The following ARHGAP39 variants were observed in gnomAD, a reference collection of about 807,000 sequenced individuals.
ARHGAP39 encodes Rho GTPase activating protein 39.
A neutral mutation model predicts 106.9 loss-of-function variants in ARHGAP39; 44 were observed. The ratio of observed to expected loss-of-function variants is 0.41; its 90% CI spans 0.32 to 0.53. The LOEUF is 0.53. Ranked by LOEUF, ARHGAP39 falls within the 20% of genes least tolerant of loss-of-function variation. The probability of loss-of-function intolerance (pLI) is 0.21; values close to 1 mark genes in which losing one functional copy is unlikely to be tolerated. For synonymous variants in ARHGAP39, 768 were observed against 693.2 expected, an observed-to-expected ratio of 1.11 and a Z score of -1.69; for missense variants, 1,496 against 1,577.3, an observed-to-expected ratio of 0.95 and a Z score of 0.87.
intron 1 of ARHGAP39, among the ~76,000 whole-genome samples, chr8:144,606,085 C>A (rs1820282047): frequency 6.6e-6 from 1 of 152,210 alleles, no homozygotes; most frequent in African/African-American, 2.4e-5. Flanking sequence ...TCACTCTCAG[C>A]CCCACATCTG....
chr8:144,624,104 G>A (rs955641608), intron 1 of ARHGAP39, among the ~76,000 whole-genome samples: 1 of 152,150 alleles, frequency 6.6e-6, no homozygotes, highest in Admixed American at 6.5e-5. Flanking sequence ...CAGGCCTCCC[G>A]AAGAGAAGCT....
In ARHGAP39 at chr8:144,644,332, C is replaced by T. The variant is rs1821388472; in HGVS notation, c.-81-38637G>A. 2.0e-5 allele frequency among the ~76,000 whole-genome samples: 3 copies of T among 152,244 alleles called. No individual in the cohort carries two copies. The highest frequency in any genetic ancestry group is 6.5e-5 in the Admixed American group (1 of 15,290). On this transcript the variant is annotated intron_variant, in intron 1 of 11. Transcript: ENST00000377307. This position sits in a 1 kb window ranked among gnomAD's most constrained non-coding sequence, Gnocchi z 4.8. Reference sequence around the variant, plus strand: ...CAACAAAGTCAGACACAAAAGATGACATATTGTAGGATTCCATGTCCATGA... The same window carrying T: ...CAACAAAGTCAGACACAAAAGATGATATATTGTAGGATTCCATGTCCATGA...
At chr8:144,619,183 A>G (rs1002216419) in intron 1 of ARHGAP39, among the ~76,000 whole-genome samples, 9 of 152,344 alleles carry the variant, frequency 5.9e-5, no homozygotes, top group African/African-American at 2.2e-4. Flanking sequence ...TCCCACGCCG[A>G]ATCTGGAACA....
intron 11 of ARHGAP39, 41 bp downstream of exon 11, chr8:144,530,661 G>C: frequency 6.6e-7 from 1 of 1,526,700 alleles, no homozygotes; most frequent in Non-Finnish European, 8.9e-7. Flanking sequence ...GGGGCGGGGC[G>C]GGGAGGGGAA....
chr8:144,676,156 C>T (rs1039953297), intron 1 of ARHGAP39, among the ~76,000 whole-genome samples: 4 of 152,294 alleles, frequency 2.6e-5, no homozygotes, highest in Admixed American at 6.5e-5. Flanking sequence ...AGCGTGTTGC[C>T]GCTGCTGGCT....
chr8:144,588,078 G>C (rs1163201070), intron 2 of ARHGAP39, among the ~76,000 whole-genome samples: 1 of 152,256 alleles, frequency 6.6e-6, no homozygotes, highest in Non-Finnish European at 1.5e-5. Context: ...CACGGAAACA[G>C]CTGGGGTAGA....
At chr8:144,530,953 G>C in intron 10 of ARHGAP39, 82 bp from the exon 11 acceptor site, 1 of 1,481,080 alleles carries the variant, frequency 6.8e-7, no homozygotes, top group Non-Finnish European at 9.0e-7. Context: ...GACATGCATG[G>C]AGGGGTGCTG....
chr8:144,567,010 A>T (rs539835589), intron 3 of ARHGAP39, among the ~76,000 whole-genome samples: 6 of 152,166 alleles, frequency 3.9e-5, no homozygotes, highest in Non-Finnish European at 7.4e-5. Context: ...ACCTACACCC[A>T]GCAAAAGTAG....
At chr8:144,601,193 C>G (rs1819908117) in intron 2 of ARHGAP39, among the ~76,000 whole-genome samples, 1 of 121,932 alleles carries the variant, frequency 8.2e-6, no homozygotes, top group African/African-American at 3.2e-5. Flanking sequence ...AGCTCGTGTA[C>G]CTGTGTGCAT....
intron 1 of ARHGAP39, among the ~76,000 whole-genome samples, chr8:144,639,851 T>C (rs1821266814): frequency 1.3e-5 from 2 of 152,226 alleles, no homozygotes. Context: ...ATTTAAAACA[T>C]TAACATCCTC....
chr8:144,545,363 G>A lies in ARHGAP39; in HGVS notation c.2407C>T (p.Arg803Cys), dbSNP rs1428420898. 7.5e-6 allele frequency: 12 copies of A among 1,600,538 alleles called. No homozygotes were observed. The highest frequency in any genetic ancestry group is 6.7e-5 in the East Asian group (3 of 44,456). The change falls in exon 6 of 12, where the codon CGC (arginine) becomes TGC (cysteine). Residue 803 changes from arginine (R) to cysteine (C), a missense_variant. Coordinates refer to ENST00000377307, the MANE Select transcript of ARHGAP39 (RefSeq NM_025251.3). ...TENFRLESLA[R>C]GWELMAICLA... Reference sequence around the variant, plus strand: ...CAGATGGCCATGAGCTCCCAGCCGCGGGCCAGGCTCTCCAGGCGGAAGTTC... The same window carrying A: ...CAGATGGCCATGAGCTCCCAGCCGCAGGCCAGGCTCTCCAGGCGGAAGTTC...
At chr8:144,576,389 A>T (rs1451024825) in intron 3 of ARHGAP39, among the ~76,000 whole-genome samples, 1 of 150,994 alleles carries the variant, frequency 6.6e-6, no homozygotes, top group African/African-American at 2.4e-5. Context: ...AGAGCTTCTC[A>T]TGGAAGTCCT....
Position 144,588,132 on chromosome 8 carries a change from G to A in ARHGAP39, c.81-6855C>T, listed in dbSNP as rs531045154. Among the ~76,000 whole-genome samples the A allele has an allele frequency of 3.1e-3, 475 of 152,354 alleles. 1 individual carries two copies. The highest frequency in any genetic ancestry group is 4.0e-3 in the Non-Finnish European group (269 of 68,036). Reference sequence around the variant, plus strand: ...TGGCAGGGACACGGGTTGGCCATGTGTGCCAGGTGCCGGTTGACAGCACTG... The same window carrying A: ...TGGCAGGGACACGGGTTGGCCATGTATGCCAGGTGCCGGTTGACAGCACTG... On this transcript the variant is annotated intron_variant, in intron 2 of 11. Transcript: ENST00000377307.
At chr8:144,602,166 G>A (rs572657025) in intron 2 of ARHGAP39, among the ~76,000 whole-genome samples, 7 of 137,756 alleles carry the variant, frequency 5.1e-5, no homozygotes, top group African/African-American at 2.0e-4. Flanking sequence ...TGTGTGCGTG[G>A]AGGCGTGTGT....
chr8:144,695,754 T>C, the ARHGAP39 span, among the ~76,000 whole-genome samples: 1 of 152,130 alleles, frequency 6.6e-6, no homozygotes, highest in African/African-American at 2.4e-5. Context: ...AAGTAAACAG[T>C]TCTAGGTGCA....
At chr8:144,686,680 G>A (rs1391487366), upstream of ARHGAP39, among the ~76,000 whole-genome samples, 2 of 152,170 alleles carry the variant, frequency 1.3e-5, no homozygotes, top group Non-Finnish European at 2.9e-5. Context: ...GGGCTGTCTC[G>A]CCGCCCGCGC....
chr8:144,602,477 GGT>G (rs1820051793), intron 2 of ARHGAP39, among the ~76,000 whole-genome samples: 2 of 140,962 alleles, frequency 1.4e-5, no homozygotes, highest in South Asian at 4.6e-4. Flanking sequence ...GCATGTGCGT[GGT>G]GTGTGCGCGA....
Position 144,618,708 on chromosome 8 carries a change from G to T in ARHGAP39, c.-81-13013C>A, listed in dbSNP as rs558700196. ...AGGTCCCTGAAGAGGCCGGGCGCAG[G>T]AAGCGGCTCCCTGCAACGTGGTACC... On this transcript the variant is annotated intron_variant, in intron 1 of 11. Transcript: ENST00000377307. 3.3e-5 allele frequency among the ~76,000 whole-genome samples: 5 copies of T among 152,368 alleles called. No individual in the cohort carries two copies. In the South Asian group the frequency reaches 1.0e-3, roughly 32 times the overall value.
chr8:144,659,025 G>C (rs906310953), intron 1 of ARHGAP39, among the ~76,000 whole-genome samples: 1 of 152,034 alleles, frequency 6.6e-6, no homozygotes, highest in African/African-American at 2.4e-5. Context: ...ACAGGGTTAG[G>C]GTGTAATAGC....
Sources: allele counts gnomAD v4.1 joint callset (sites outside exome capture counted in the v4.1 genomes callset), GRCh38; gene constraint gnomAD v4.1.1; non-coding constraint Gnocchi (gnomAD v3.1); transcripts MANE v1.5; gene names NCBI Gene and HGNC (gene_info 2026-07-23, HGNC 2026-07-21).